Variants in MED12L observed in about 807,000 individuals in gnomAD.
MED12L encodes the protein mediator complex subunit 12L, also known as mediator of RNA polymerase II transcription subunit 12-like protein.
In MED12L, 60 loss-of-function variants were observed where a neutral mutation model predicts 281.3. The ratio of observed to expected loss-of-function variants is 0.21; its 90% confidence interval spans 0.17 to 0.26. The LOEUF is 0.26. Ranked by LOEUF, MED12L falls within the 10% of genes least tolerant of loss-of-function variation. The probability of loss-of-function intolerance (pLI) is 1.00; values close to 1 mark genes in which losing one functional copy is unlikely to be tolerated. For synonymous variants in MED12L, 974 were observed against 987.2 expected (o/e 0.99, Z 0.25); for missense variants, 2,146 against 2,680.9 (o/e 0.80, Z 4.41).
chr3:151,319,468 CGT>C (rs34335179), intron 16 of MED12L, among the ~76,000 whole-genome samples: 6,701 of 145,574 alleles, frequency 0.046, 259 homozygotes, highest in African/African-American at 0.12. Context: ...TGTGTGTGTG[CGT>C]GTGTGTGTGT....
At chr3:151,358,023 C>T (rs1754137101) in intron 20 of MED12L, among the ~76,000 whole-genome samples, 1 of 152,122 alleles carries the variant, frequency 6.6e-6, no homozygotes, top group South Asian at 2.1e-4. Context: ...TATTTAAACA[C>T]AGAAAGACAA....
At chr3:151,397,810 G>A (rs1050788229) in intron 39 of MED12L, among the ~76,000 whole-genome samples, 1 of 152,276 alleles carries the variant, frequency 6.6e-6, no homozygotes, top group African/African-American at 2.4e-5. Flanking sequence ...AGAAAAGTAA[G>A]TAGATATGTT....
At chr3:151,380,812 C>T (rs376399944) in intron 32 of MED12L, among the ~76,000 whole-genome samples, 82 of 152,302 alleles carry the variant, frequency 5.4e-4, no homozygotes, top group African/African-American at 1.9e-3. Flanking sequence ...TCTCCTAACT[C>T]TGCCTCATAG....
intron 2 of MED12L, among the ~76,000 whole-genome samples, chr3:151,099,449 G>GT (rs368705680): frequency 8.5e-4 from 129 of 152,076 alleles, no homozygotes; most frequent in African/African-American, 2.9e-3. Flanking sequence ...GTTAAACTGT[G>GT]TTTTTTTAAT....
intron 39 of MED12L, among the ~76,000 whole-genome samples, chr3:151,405,778 A>T (rs1274321151): frequency 6.6e-6 from 1 of 152,242 alleles, no homozygotes; most frequent in Non-Finnish European, 1.5e-5. Flanking sequence ...TACTCTTCAG[A>T]TACTAATGCT....
intron 16 of MED12L, among the ~76,000 whole-genome samples, chr3:151,305,260 A>G (rs898401227): frequency 3.9e-5 from 6 of 152,204 alleles, no homozygotes; most frequent in Admixed American, 3.3e-4. Flanking sequence ...CTGTTCCTTC[A>G]GCTGAGAGCT....
In MED12L at chr3:151,107,314, C is replaced by G. The variant is rs538126815; in HGVS notation, c.100-9024C>G. ...GAGGCTATCCTCTTGAAGTTAACTC[C>G]TACTTTGCAGTCAGAGCTCAGGTCA... is the stretch of plus-strand genomic sequence containing the variant. On this transcript the variant is annotated intron_variant, in intron 2 of 44. Coordinates refer to ENST00000687756, the MANE Select transcript of MED12L (RefSeq NM_001393769.1). 4.6e-5 allele frequency among the ~76,000 whole-genome samples: 7 copies of G among 152,218 alleles called. No individual in the cohort carries two copies. The East Asian group carries it at 1.2e-3, about 25-fold the overall frequency.
chr3:151,154,187 G>T (rs1358739576), intron 5 of MED12L, among the ~76,000 whole-genome samples: 2 of 151,878 alleles, frequency 1.3e-5, no homozygotes, highest in Non-Finnish European at 2.9e-5. Context: ...GCATCCACTC[G>T]ACTGTCTTAT....
chr3:151,337,197 T>C (rs1283648271), intron 16 of MED12L: 2 of 152,158 alleles, frequency 1.3e-5, no homozygotes, highest in African/African-American at 4.8e-5. Context: ...ATTGTAAAGG[T>C]CTTCTTTAAA....
At position 151,435,786 on chromosome 3, in the gene MED12L, G is replaced by A. The variant is rs1005977236; in HGVS notation, c.*2982G>A. ...TCAGTGAATTACAAAAACACATTTT[G>A]TGTAGGATTGATCAGATTTTAAATA... is the stretch of plus-strand genomic sequence containing the variant. On this transcript the variant is annotated 3_prime_UTR_variant, in exon 45 of 45. Transcript: ENST00000687756. 1 of 152,078 alleles carries A rather than the reference G, an allele frequency of 6.6e-6. No homozygotes were observed. The highest frequency in any genetic ancestry group is 1.5e-5 in the Non-Finnish European group (1 of 68,018). 9.4% of individuals were successfully genotyped at this position (152,078 alleles called of 1,614,324 possible). A position where few individuals can be genotyped will look rare whatever the true frequency, so the allele number is the denominator to read the frequency against.
chr3:151,289,571 A>G (rs1391948340), intron 16 of MED12L, among the ~76,000 whole-genome samples: 2 of 152,236 alleles, frequency 1.3e-5, no homozygotes, highest in South Asian at 2.1e-4. Context: ...AGCATTGTAT[A>G]TAGCTTTTTA....
At chr3:151,158,852 T>C in intron 7 of MED12L, 53 bp downstream of exon 7, 2 of 1,130,666 alleles carry the variant, frequency 1.8e-6, no homozygotes, top group East Asian at 2.4e-5. Context: ...GAAATGAGCC[T>C]GATAAGAATG....
intron 33 of MED12L, among the ~76,000 whole-genome samples, chr3:151,383,135 T>TAA (rs1712698869): frequency 6.6e-6 from 1 of 152,268 alleles, no homozygotes; most frequent in Non-Finnish European, 1.5e-5. Context: ...TCAAATTGAT[T>TAA]ATAAAGACAA....
intron 16 of MED12L, chr3:151,212,208 G>GA (rs1168086174): frequency 1.3e-5 from 2 of 152,106 alleles, no homozygotes; most frequent in African/African-American, 4.8e-5. Context: ...AAGAACATTT[G>GA]AAAAATAGAT....
Position 151,199,290 on chromosome 3 carries a change from A to G in MED12L, c.2250+5624A>G, listed in dbSNP as rs1258450288. 19 of 1,613,942 alleles carry G rather than the reference A, an allele frequency of 1.2e-5. No homozygotes were observed. The Admixed American group carries it at 1.8e-4, about 16-fold the overall frequency. ...TGTATAAAAGCCCAGGTTGCAAAACAACTTCCAATAATTCCAACAAGGAAA... is the reference window on the plus strand; with the variant it reads ...TGTATAAAAGCCCAGGTTGCAAAACGACTTCCAATAATTCCAACAAGGAAA... On this transcript the variant is annotated intron_variant, in intron 16 of 44. Coordinates refer to ENST00000687756, the MANE Select transcript of MED12L (RefSeq NM_001393769.1).
intron 8 of MED12L, among the ~76,000 whole-genome samples, chr3:151,162,339 G>A (rs549165889): frequency 2.0e-5 from 3 of 152,260 alleles, no homozygotes; most frequent in African/African-American, 7.2e-5. Context: ...GACATTCTTT[G>A]TATCTGCTAT....
At chr3:151,294,878 G>T in intron 16 of MED12L, 1 of 1,613,932 alleles carries the variant, frequency 6.2e-7, no homozygotes. Flanking sequence ...ATACATGTTT[G>T]CATAAAACAA....
chr3:151,090,559 A>G (rs1356982954), intron 2 of MED12L, among the ~76,000 whole-genome samples: 1 of 152,214 alleles, frequency 6.6e-6, no homozygotes, highest in African/African-American at 2.4e-5. Flanking sequence ...TATTTATTGG[A>G]ACATGAATAA....
At position 151,198,537 on chromosome 3, in the gene MED12L, G is replaced by A. The variant is rs143896644; in HGVS notation, c.2250+4871G>A. ...AATGCTTTTGAGAGGTGATAGTACA[G>A]GATAGGATCAAAGCACAGGTTCGAC... On this transcript the variant is annotated intron_variant, in intron 16 of 44. Coordinates refer to ENST00000687756, the MANE Select transcript of MED12L (RefSeq NM_001393769.1). The A allele has an allele frequency of 1.9e-5, 30 of 1,613,940 alleles. No individual in the cohort carries two copies. In the African/African-American group the frequency reaches 3.7e-4, roughly 20 times the overall value.
Sources: allele counts gnomAD v4.1 joint callset (sites outside exome capture counted in the v4.1 genomes callset), GRCh38; gene constraint gnomAD v4.1.1; transcripts MANE v1.5; gene names NCBI Gene and HGNC (gene_info 2026-07-23, HGNC 2026-07-21).